ZMYM2: variants seen among roughly 807,000 people sequenced by gnomAD.
The protein encoded by ZMYM2 is zinc finger MYM-type protein 2.
In ZMYM2, 56 loss-of-function variants were observed where a neutral mutation model predicts 162.8. The observed-to-expected ratio is 0.34, with a 90% confidence interval of 0.28 to 0.43. The LOEUF is 0.43. ZMYM2 is among the 20% of genes least tolerant of loss of function. The probability of loss-of-function intolerance (pLI) is 1.00; values close to 1 mark genes in which losing one functional copy is unlikely to be tolerated. For missense variants in ZMYM2, 1,275 were observed against 1,621.8 expected (o/e 0.79, Z 3.67); for synonymous variants, 510 against 541.6 (o/e 0.94, Z 0.81).
chr13:20,087,302 A>G lies in ZMYM2; in HGVS notation c.*1288A>G, dbSNP rs889477412. ...AAAAAACAACTTTGTGCTTCTGCAT[A>G]GCAATTTATCCATTCAGACCTTTTC... On this transcript the variant is annotated 3_prime_UTR_variant, in exon 25 of 25. Transcript: ENST00000610343. The G allele has an allele frequency of 2.1e-5, 4 of 188,844 alleles. No homozygotes were observed. The highest frequency in any genetic ancestry group is 4.5e-5 in the Non-Finnish European group (4 of 89,732). 11.7% of individuals were successfully genotyped at this position (188,844 alleles called of 1,614,324 possible). A position where few individuals can be genotyped will look rare whatever the true frequency, so the allele number is the denominator to read the frequency against.
the ZMYM2 span, among the ~76,000 whole-genome samples, chr13:19,933,053 A>G: frequency 6.6e-6 from 1 of 152,138 alleles, no homozygotes; most frequent in African/African-American, 2.4e-5. Flanking sequence ...GGCTCAAGTG[A>G]TCCTCCTGCC....
intron 9 of ZMYM2, among the ~76,000 whole-genome samples, chr13:20,030,499 C>T (rs1008350227): frequency 4.0e-5 from 6 of 151,502 alleles, no homozygotes; most frequent in African/African-American, 7.3e-5. Flanking sequence ...CCTGGGTTCA[C>T]GCCATTCTCC....
the ZMYM2 span, among the ~76,000 whole-genome samples, chr13:19,902,948 G>C: frequency 2.6e-5 from 4 of 151,984 alleles, no homozygotes; most frequent in Non-Finnish European, 5.9e-5. Flanking sequence ...CTTGAGGTCA[G>C]GAGTTTGAGA....
chr13:19,949,194 G>T, the ZMYM2 span, among the ~76,000 whole-genome samples: 1 of 152,028 alleles, frequency 6.6e-6, no homozygotes, highest in South Asian at 2.1e-4. Flanking sequence ...TGAATCACCT[G>T]AGGTCAGGAG....
intron 21 of ZMYM2, among the ~76,000 whole-genome samples, chr13:20,071,303 A>G (rs1452453541): frequency 6.6e-6 from 1 of 152,204 alleles, no homozygotes; most frequent in Non-Finnish European, 1.5e-5. Flanking sequence ...CTTGAGTGTT[A>G]ATTGTCCAGG....
chr13:19,981,995 T>G (rs1957374645), intron 2 of ZMYM2, among the ~76,000 whole-genome samples: 1 of 152,228 alleles, frequency 6.6e-6, no homozygotes, highest in Non-Finnish European at 1.5e-5. Flanking sequence ...TGAAATCATG[T>G]TTCCAGAAAG....
intron 12 of ZMYM2, among the ~76,000 whole-genome samples, chr13:20,045,081 A>G (rs1467922116): frequency 1.3e-5 from 2 of 151,192 alleles, no homozygotes; most frequent in African/African-American, 4.9e-5. Flanking sequence ...AAGCATGTGA[A>G]GACAGACATT....
At chr13:20,052,411 G>GT (rs373948094) in intron 14 of ZMYM2, 100 bp downstream of exon 14, 23,618 of 1,000,934 alleles carry the variant, frequency 0.024, 44 homozygotes, top group African/African-American at 0.048. Context: ...AATTTTTTTG[G>GT]TTTTTTTTTT....
chr13:19,915,264 T>A, the ZMYM2 span, among the ~76,000 whole-genome samples: 4 of 152,010 alleles, frequency 2.6e-5, no homozygotes, highest in East Asian at 1.9e-4. Flanking sequence ...CCCAGGCTTT[T>A]AAAAAAATTT....
intron 2 of ZMYM2, among the ~76,000 whole-genome samples, chr13:19,979,574 A>G (rs1957127785): frequency 6.6e-6 from 1 of 152,152 alleles, no homozygotes. Flanking sequence ...ATGTCTCAGT[A>G]AATCTGTGAT....
chr13:20,009,048 CAG>C (rs1325219955), intron 6 of ZMYM2, among the ~76,000 whole-genome samples: 1 of 151,936 alleles, frequency 6.6e-6, no homozygotes, highest in African/African-American at 2.4e-5. Flanking sequence ...GGTTTAAAAA[CAG>C]AAATACGTAA....
intron 2 of ZMYM2, among the ~76,000 whole-genome samples, chr13:19,976,103 G>A (rs1048131754): frequency 6.6e-6 from 1 of 152,066 alleles, no homozygotes; most frequent in African/African-American, 2.4e-5. Flanking sequence ...GGAGGCCGAA[G>A]CGGGCAGATC....
At chr13:19,890,717 A>C in the ZMYM2 span, among the ~76,000 whole-genome samples, 1 of 151,458 alleles carries the variant, frequency 6.6e-6, no homozygotes, top group African/African-American at 2.4e-5. Context: ...AAAAATTAAA[A>C]AAAAATTAGC....
chr13:19,869,160 A>T, the ZMYM2 span, among the ~76,000 whole-genome samples: 7 of 152,250 alleles, frequency 4.6e-5, no homozygotes, highest in Non-Finnish European at 8.8e-5. Context: ...CTTAGTTTAC[A>T]GTTACTTTTT....
chr13:19,962,573 G>A (rs1955364126), intron 2 of ZMYM2, among the ~76,000 whole-genome samples: 1 of 129,500 alleles, frequency 7.7e-6, no homozygotes, highest in African/African-American at 3.0e-5. Flanking sequence ...TGCCCAGGCT[G>A]GAGTGCAGTG....
At chr13:20,059,068 A>G (rs1956032063) in intron 15 of ZMYM2, among the ~76,000 whole-genome samples, 5 of 152,184 alleles carry the variant, frequency 3.3e-5, no homozygotes, top group Admixed American at 3.3e-4. Flanking sequence ...GAATGAGGTG[A>G]AATTGTTCAA....
intron 23 of ZMYM2, 113 bp downstream of exon 23, chr13:20,083,145 C>T (rs1323398160): frequency 5.2e-6 from 6 of 1,160,684 alleles, no homozygotes; most frequent in East Asian, 2.6e-5. Flanking sequence ...TCACCGCAAC[C>T]TCTACCTCCT....
At chr13:19,960,214 C>A (rs1269475385) in intron 2 of ZMYM2, among the ~76,000 whole-genome samples, 188 bp downstream of exon 2, 2 of 152,178 alleles carry the variant, frequency 1.3e-5, no homozygotes, top group African/African-American at 4.8e-5. Flanking sequence ...CTGTTTCCAC[C>A]GCTGCAGACA....
chr13:20,031,173 A>G (rs986725717), intron 9 of ZMYM2, 146 bp from the exon 10 acceptor site: 12 of 503,928 alleles, frequency 2.4e-5, no homozygotes, highest in African/African-American at 4.0e-5. Flanking sequence ...TTTTAAGGAC[A>G]AAATTTGGAA....
Sources: allele counts gnomAD v4.1 joint callset (sites outside exome capture counted in the v4.1 genomes callset), GRCh38; gene constraint gnomAD v4.1.1; transcripts MANE v1.5; gene names NCBI Gene and HGNC (gene_info 2026-07-23, HGNC 2026-07-21).